Variants in NKAIN2 observed in about 807,000 individuals in gnomAD.
NKAIN2 encodes sodium/potassium transporting ATPase interacting 2, also known as sodium/potassium-transporting ATPase subunit beta-1-interacting protein 2.
Under a neutral mutation model 32.6 loss-of-function variants are expected in NKAIN2, and 14 were observed. The observed-to-expected ratio is 0.43, with a 90% confidence interval of 0.28 to 0.67. NKAIN2 has a LOEUF of 0.67. Ranked by LOEUF, NKAIN2 falls within the 30% of genes least tolerant of loss-of-function variation. The probability of loss-of-function intolerance (pLI) is 0.17; values close to 1 mark genes in which losing one functional copy is unlikely to be tolerated. For missense variants in NKAIN2, 198 were observed against 258.3 expected (o/e 0.77, Z 1.60); for synonymous variants, 80 against 87.2 (o/e 0.92, Z 0.46).
At chr6:124,070,446 C>T (rs1783401255) in intron 1 of NKAIN2, among the ~76,000 whole-genome samples, 1 of 152,148 alleles carries the variant, frequency 6.6e-6, no homozygotes, top group African/African-American at 2.4e-5. Context: ...TGGATAGAAA[C>T]ATTACCAGCC....
In NKAIN2 at chr6:124,532,605, G is replaced by A. The variant is rs1036772047; in HGVS notation, c.274-125581G>A. Among the ~76,000 whole-genome samples, 4 of 152,292 alleles carry A rather than the reference G, an allele frequency of 2.6e-5. No individual in the cohort carries two copies. In the South Asian group the frequency reaches 8.3e-4, roughly 32 times the overall value. ...GGAGCAAGCCAGGGAAGAAGGAATGGGTAGTATGGTCCCGCCTATTTAGGC... is the reference window on the plus strand; with the variant it reads ...GGAGCAAGCCAGGGAAGAAGGAATGAGTAGTATGGTCCCGCCTATTTAGGC... On this transcript the variant is annotated intron_variant, in intron 3 of 6. Transcript: ENST00000368417.
intron 3 of NKAIN2, among the ~76,000 whole-genome samples, chr6:124,562,209 A>G (rs1193268898): frequency 1.3e-5 from 2 of 152,180 alleles, no homozygotes; most frequent in Non-Finnish European, 2.9e-5. Flanking sequence ...TACGTCACCA[A>G]AAAGAGAAAT....
intron 1 of NKAIN2, among the ~76,000 whole-genome samples, chr6:124,173,585 GTAT>G: frequency 6.6e-6 from 1 of 152,112 alleles, no homozygotes; most frequent in East Asian, 1.9e-4. Flanking sequence ...AGGGATGGTG[GTAT>G]TATATCTTGC....
chr6:124,602,125 T>C (rs1048531350), intron 3 of NKAIN2, among the ~76,000 whole-genome samples: 5 of 151,960 alleles, frequency 3.3e-5, no homozygotes. Context: ...TAAATCTAAA[T>C]GTATGTTGGA....
At chr6:124,053,272 G>A (rs1230099140) in intron 1 of NKAIN2, among the ~76,000 whole-genome samples, 1 of 151,858 alleles carries the variant, frequency 6.6e-6, no homozygotes, top group Non-Finnish European at 1.5e-5. Context: ...GGCCTACAAT[G>A]TGTGCGACAA....
chr6:123,907,711 A>G (rs1377666521), intron 1 of NKAIN2, among the ~76,000 whole-genome samples: 1 of 152,100 alleles, frequency 6.6e-6, no homozygotes, highest in Non-Finnish European at 1.5e-5. Flanking sequence ...AGCCCAATGC[A>G]TGAATCCATC....
At chr6:124,352,116 T>C (rs920807415) in intron 2 of NKAIN2, among the ~76,000 whole-genome samples, 1 of 152,188 alleles carries the variant, frequency 6.6e-6, no homozygotes, top group Non-Finnish European at 1.5e-5. Flanking sequence ...ATGGGTCATA[T>C]CACTTGAAGA....
At chr6:124,208,715 T>C (rs535173251) in intron 1 of NKAIN2, among the ~76,000 whole-genome samples, 1 of 151,526 alleles carries the variant, frequency 6.6e-6, no homozygotes, top group African/African-American at 2.4e-5. Flanking sequence ...TAAATAATTA[T>C]ATTTGACAGG....
intron 1 of NKAIN2, among the ~76,000 whole-genome samples, chr6:123,892,347 A>C (rs1378610386): frequency 6.6e-6 from 1 of 152,186 alleles, no homozygotes; most frequent in Non-Finnish European, 1.5e-5. Flanking sequence ...TAATTGACTC[A>C]GTTCCACATG....
chr6:124,574,737 C>T (rs774287544), intron 3 of NKAIN2, among the ~76,000 whole-genome samples: 6 of 152,180 alleles, frequency 3.9e-5, no homozygotes, highest in Non-Finnish European at 7.4e-5. Flanking sequence ...TTGCAAGTGC[C>T]ATCTTGGGCT....
rs973133200 is a variant in NKAIN2, at chr6:123,918,809, A to G, written c.54+114555A>G. Among the ~76,000 whole-genome samples, 8 of 152,278 alleles carry G rather than the reference A, an allele frequency of 5.3e-5. No individual in the cohort carries two copies. The East Asian group carries it at 1.5e-3, about 29-fold the overall frequency. On this transcript the variant is annotated intron_variant, in intron 1 of 6. Transcript: ENST00000368417. ...TTCACTATATATCTCATTAGACATA[A>G]TGAGATATAAAAGTATGTATCAAGA... is the stretch of plus-strand genomic sequence containing the variant.
At position 124,773,253 on chromosome 6, in the gene NKAIN2, G is replaced by T. The variant is rs530179062; in HGVS notation, c.475-18086G>T. Reference sequence around the variant, plus strand: ...TTGTGGAATAAAAGACACACAAAGAGCAAGTGTAGAATAACCCTTCAACAA... The same window carrying T: ...TTGTGGAATAAAAGACACACAAAGATCAAGTGTAGAATAACCCTTCAACAA... On this transcript the variant is annotated intron_variant, in intron 4 of 6. Coordinates refer to ENST00000368417, the MANE Select transcript of NKAIN2 (RefSeq NM_001040214.3). Among the ~76,000 whole-genome samples the T allele has an allele frequency of 4.6e-5, 7 of 152,266 alleles. No homozygotes were observed. The South Asian group carries it at 1.2e-3, about 27-fold the overall frequency.
intron 3 of NKAIN2, among the ~76,000 whole-genome samples, chr6:124,485,073 A>C (rs1238871507): frequency 1.3e-5 from 2 of 152,162 alleles, no homozygotes; most frequent in African/African-American, 2.4e-5. Context: ...TCATGCCTTG[A>C]GCTGGCCATT....
chr6:124,115,880 C>T (rs1158105364), intron 1 of NKAIN2, among the ~76,000 whole-genome samples: 2 of 151,916 alleles, frequency 1.3e-5, no homozygotes, highest in Admixed American at 1.3e-4. Context: ...AACTGTAGCT[C>T]CTCAACTTTT....
intron 5 of NKAIN2, among the ~76,000 whole-genome samples, chr6:124,807,603 T>C (rs1171756081): frequency 1.4e-5 from 2 of 144,412 alleles, no homozygotes; most frequent in Admixed American, 1.4e-4. Flanking sequence ...AGCAAACACA[T>C]TCAAAAGCTA....
At chr6:124,370,978 C>A (rs1799735009) in intron 3 of NKAIN2, among the ~76,000 whole-genome samples, 1 of 152,128 alleles carries the variant, frequency 6.6e-6, no homozygotes, top group Non-Finnish European at 1.5e-5. Context: ...CCCAGACCCC[C>A]CAGTACTTAT....
intron 1 of NKAIN2, among the ~76,000 whole-genome samples, chr6:124,210,617 A>G (rs1489136025): frequency 1.3e-5 from 2 of 151,652 alleles, no homozygotes; most frequent in Admixed American, 6.6e-5. Context: ...AATATTTTAC[A>G]GTTTTCATTA....
intron 3 of NKAIN2, among the ~76,000 whole-genome samples, chr6:124,546,316 C>A (rs1780092591): frequency 6.6e-6 from 1 of 152,066 alleles, no homozygotes; most frequent in African/African-American, 2.4e-5. Flanking sequence ...TGACATGCTC[C>A]ATGCAGATAT....
At chr6:124,538,038 T>G (rs1430372831) in intron 3 of NKAIN2, among the ~76,000 whole-genome samples, 3 of 152,156 alleles carry the variant, frequency 2.0e-5, no homozygotes, top group African/African-American at 7.2e-5. Context: ...ATTTTAAATG[T>G]GAGCCTAATC....
Sources: gnomAD v4.1 joint callset for allele counts (sites outside exome capture counted in the v4.1 genomes callset) on GRCh38, gnomAD v4.1.1 for gene constraint, MANE v1.5 for transcripts, NCBI Gene and HGNC (gene_info 2026-07-23, HGNC 2026-07-21) for gene names.